SENP6: variants seen among roughly 807,000 people sequenced by gnomAD.
SENP6 encodes the protein SUMO specific peptidase 6, also known as sentrin-specific protease 6.
A neutral mutation model predicts 134.5 loss-of-function variants in SENP6; 41 were observed. The observed-to-expected ratio is 0.30, with a 90% CI of 0.24 to 0.40. SENP6 has a LOEUF of 0.40. Among genes scored for constraint, SENP6 ranks in the 10% least tolerant of loss-of-function variants. SENP6 has a pLI of 1.00. For synonymous variants in SENP6, 395 were observed against 429.8 expected, an observed-to-expected ratio of 0.92 and a Z score of 1.00; for missense variants, 1,248 against 1,312.5, an observed-to-expected ratio of 0.95 and a Z score of 0.76.
chr6:75,701,413 AT>A (rs954595572), intron 18 of SENP6, among the ~76,000 whole-genome samples: 2 of 152,138 alleles, frequency 1.3e-5, no homozygotes, highest in African/African-American at 4.8e-5. Context: ...TAATACTTAA[AT>A]TTTTGTGCAA....
Position 75,715,691 on chromosome 6 carries a change from T to C in SENP6, c.*97T>C. Reference sequence around the variant, plus strand: ...AACTGAAGTGCTCACTACTCAGTGATTTGGAAATTTTGATGCTTGTATAAA... The same window carrying C: ...AACTGAAGTGCTCACTACTCAGTGACTTGGAAATTTTGATGCTTGTATAAA... On this transcript the variant is annotated 3_prime_UTR_variant, in exon 24 of 24. Coordinates refer to ENST00000447266, the MANE Select transcript of SENP6 (RefSeq NM_015571.4). 1.3e-6 allele frequency: 1 copy of C among 766,402 alleles called. No homozygotes were observed. 47.5% of individuals were successfully genotyped at this position (766,402 alleles called of 1,614,324 possible). A position where few individuals can be genotyped will look rare whatever the true frequency, so the allele number is the denominator to read the frequency against.
chr6:75,620,101 AAAG>A (rs1437839739), intron 1 of SENP6, among the ~76,000 whole-genome samples: 2 of 142,730 alleles, frequency 1.4e-5, no homozygotes, highest in East Asian at 4.0e-4. Context: ...AAAAAAAAAA[AAAG>A]AGGAAAATAA....
chr6:75,703,914 C>A (rs1229646325), intron 19 of SENP6, among the ~76,000 whole-genome samples: 10 of 152,068 alleles, frequency 6.6e-5, no homozygotes, highest in African/African-American at 2.4e-4. Context: ...GAACTTGGAT[C>A]TATTTTTATT....
intron 3 of SENP6, among the ~76,000 whole-genome samples, chr6:75,629,025 A>G (rs990251847): frequency 1.3e-5 from 2 of 152,164 alleles, no homozygotes; most frequent in African/African-American, 2.4e-5. Flanking sequence ...GTGCCTGGCC[A>G]CAGTTCTTTC....
chr6:75,662,501 A>G (rs1415624635), intron 8 of SENP6, among the ~76,000 whole-genome samples: 1 of 152,208 alleles, frequency 6.6e-6, no homozygotes, highest in African/African-American at 2.4e-5. Context: ...ATTTATTTAC[A>G]GTATTCTCTA....
chr6:75,663,694 C>T (rs947400734), intron 9 of SENP6, among the ~76,000 whole-genome samples, 176 bp downstream of exon 9: 29 of 151,636 alleles, frequency 1.9e-4, no homozygotes, highest in Non-Finnish European at 1.5e-5. Context: ...AAAAGAACCA[C>T]AGAACTTGAC....
rs942784871 is a variant in SENP6, at chr6:75,684,740, G to A, written c.2075+5813G>A. 3.9e-5 allele frequency among the ~76,000 whole-genome samples: 6 copies of A among 152,186 alleles called. No homozygotes were observed. The South Asian group carries it at 1.0e-3, about 26-fold the overall frequency. On this transcript the variant is annotated intron_variant, in intron 16 of 23. Coordinates refer to ENST00000447266, the MANE Select transcript of SENP6 (RefSeq NM_015571.4). Reference sequence around the variant, plus strand: ...TGTTGAACCAGCCTTGCATCCCAGGGATGAAGCCCACTTGATCATGGTGGA... The same window carrying A: ...TGTTGAACCAGCCTTGCATCCCAGGAATGAAGCCCACTTGATCATGGTGGA...
chr6:75,698,545 G>A (rs1774807575), intron 18 of SENP6, among the ~76,000 whole-genome samples: 1 of 151,896 alleles, frequency 6.6e-6, no homozygotes, highest in Non-Finnish European at 1.5e-5. Context: ...GTGTTGCTCA[G>A]GCTGGTCTTG....
intron 7 of SENP6, among the ~76,000 whole-genome samples, chr6:75,653,562 A>G (rs1485098562): frequency 2.6e-5 from 4 of 151,860 alleles, no homozygotes; most frequent in East Asian, 3.9e-4. Flanking sequence ...TTTTCCCTCA[A>G]TGCGTTTGGG....
At chr6:75,647,584 A>T in intron 6 of SENP6, 147 bp from the exon 7 acceptor site, 1 of 437,194 alleles carries the variant, frequency 2.3e-6, no homozygotes, top group South Asian at 3.8e-5. Context: ...TTATTGGTAT[A>T]GTTTTGTTAT....
chr6:75,625,131 T>C (rs1038612023), intron 3 of SENP6, among the ~76,000 whole-genome samples: 4 of 149,534 alleles, frequency 2.7e-5, no homozygotes, highest in African/African-American at 9.9e-5. Context: ...TTTTTTTTTT[T>C]CAGACGGAGT....
rs751735900 is a variant in SENP6 at position 75,678,860 on chromosome 6, A to G, written c.2008A>G (p.Asn670Asp). ...PPAKGGISVT[N>D]EDLHCLNEGE... The stretch of plus-strand genomic sequence containing the variant: ...AGCTAAGGGAGGCATCTCTGTTACC[A>G]ATGAGGACCTGCACTGTCTAAATGA... Residue 670 changes from asparagine to aspartate, a missense_variant, in exon 16 of 24, where the codon AAT (asparagine) becomes GAT (aspartate). By Grantham distance (23) the Asn-to-Asp change is conservative. Transcript: ENST00000447266. The G allele has an allele frequency of 3.1e-6, 5 of 1,608,928 alleles. No homozygotes were observed. In the South Asian group the frequency reaches 5.5e-5, roughly 18 times the overall value.
At chr6:75,626,230 A>G (rs145072598) in intron 3 of SENP6, among the ~76,000 whole-genome samples, 90 of 152,090 alleles carry the variant, frequency 5.9e-4, no homozygotes, top group African/African-American at 2.2e-3. Context: ...TGGTTTCAGC[A>G]TCATATCTCA....
At chr6:75,664,155 A>G (rs699169) in intron 9 of SENP6, among the ~76,000 whole-genome samples, 5,159 of 152,090 alleles carry the variant, frequency 0.034, 293 homozygotes, top group African/African-American at 0.12. Context: ...AAAAAATAGA[A>G]ATTGGGCACA....
intron 16 of SENP6, among the ~76,000 whole-genome samples, chr6:75,690,484 C>T (rs1774162357): frequency 6.6e-6 from 1 of 152,026 alleles, no homozygotes; most frequent in Non-Finnish European, 1.5e-5. Context: ...CTAAAGTAGT[C>T]AAATTCATAG....
At chr6:75,638,872 A>G (rs1295554361) in intron 5 of SENP6, among the ~76,000 whole-genome samples, 1 of 151,526 alleles carries the variant, frequency 6.6e-6, no homozygotes, top group Non-Finnish European at 1.5e-5. Flanking sequence ...AGCCTTACCA[A>G]CATGGCGAAA....
At chr6:75,689,999 C>G (rs981500437) in intron 16 of SENP6, among the ~76,000 whole-genome samples, 2 of 152,170 alleles carry the variant, frequency 1.3e-5, no homozygotes, top group Admixed American at 6.5e-5. Context: ...CTCACGATAG[C>G]CTCCTGGGCT....
intron 21 of SENP6, among the ~76,000 whole-genome samples, chr6:75,711,915 C>T (rs1046648572): frequency 5.3e-5 from 8 of 152,194 alleles, no homozygotes; most frequent in Non-Finnish European, 1.0e-4. Flanking sequence ...TCAAGTGATC[C>T]GCCCCTCTGA....
chr6:75,715,685 C>A lies in SENP6; in HGVS notation c.*91C>A. 1.2e-6 allele frequency: 1 copy of A among 849,016 alleles called. No individual in the cohort carries two copies. Among genetic ancestry groups the A allele is most frequent in the Non-Finnish European group, 1.8e-6 (1 of 552,758 alleles). 52.6% of individuals were successfully genotyped at this position (849,016 alleles called of 1,614,324 possible). ...ATAAAGAACTGAAGTGCTCACTACT[C>A]AGTGATTTGGAAATTTTGATGCTTG... On this transcript the variant is annotated 3_prime_UTR_variant, in exon 24 of 24. Transcript: ENST00000447266.
Sources: allele counts gnomAD v4.1 joint callset (sites outside exome capture counted in the v4.1 genomes callset), GRCh38; gene constraint gnomAD v4.1.1; transcripts MANE v1.5; gene names NCBI Gene and HGNC (gene_info 2026-07-23, HGNC 2026-07-21).